Variants in SNURF observed in about 807,000 individuals in gnomAD.
The protein encoded by SNURF is SNURF protein.
In SNURF, 6 loss-of-function variants were observed where a neutral mutation model predicts 11.6. The observed-to-expected ratio is 0.52, with a 90% CI of 0.28 to 1.02. SNURF has a LOEUF of 1.02. Among genes scored for constraint, SNURF ranks in the 50% least tolerant of loss-of-function variants. The pLI, the probability that SNURF is intolerant of heterozygous loss-of-function variation, is 0.09. For missense variants in SNURF, 84 were observed against 88.4 expected, an observed-to-expected ratio of 0.95 and a Z score of 0.20; for synonymous variants, 29 against 31.6, an observed-to-expected ratio of 0.92 and a Z score of 0.27.
chr15:24,961,972 A>C, intron 1 of SNURF, 142 bp from the exon 2 acceptor site: 1 of 802,068 alleles, frequency 1.2e-6, no homozygotes, highest in Non-Finnish European at 2.1e-6. Flanking sequence ...TGAAGGTTAA[A>C]GATCTTGTAA....
At chr15:24,960,217 T>C (rs1166210216) in intron 1 of SNURF, among the ~76,000 whole-genome samples, 2 of 152,222 alleles carry the variant, frequency 1.3e-5, no homozygotes, top group Admixed American at 1.3e-4. Flanking sequence ...TAGTGTCATA[T>C]GTTACTTTCA....
intron 1 of SNURF, among the ~76,000 whole-genome samples, chr15:24,959,224 C>G (rs2074374910): frequency 6.6e-6 from 1 of 152,098 alleles, no homozygotes; most frequent in Non-Finnish European, 1.5e-5. Context: ...ATGTTGGTTT[C>G]TGTGTTGGGG....
chr15:24,966,898 A>T (rs1158996897), intron 2 of SNURF: 2 of 152,048 alleles, frequency 1.3e-5, no homozygotes, highest in Non-Finnish European at 2.9e-5. Flanking sequence ...TCATCATCAG[A>T]TTTCACAGCC....
At chr15:24,957,746 C>A (rs930640711) in intron 1 of SNURF, among the ~76,000 whole-genome samples, 1 of 151,438 alleles carries the variant, frequency 6.6e-6, no homozygotes, top group African/African-American at 2.4e-5. Flanking sequence ...CCTTTTTTTT[C>A]TGCTTGCATG....
chr15:24,964,373 A>G (rs188225681), intron 2 of SNURF, among the ~76,000 whole-genome samples: 3 of 151,696 alleles, frequency 2.0e-5, no homozygotes, highest in African/African-American at 7.3e-5. Context: ...ATGGAGTGCA[A>G]CCTCCGCCTA....
chr15:24,976,929 G>C lies in SNURF; in HGVS notation c.*362G>C. The stretch of plus-strand genomic sequence containing the variant: ...GGAGCTGCTGGAGGCCCTGGGGTTG[G>C]TAGGGCAGCTGGTAGAGGAGTACCA... On this transcript the variant is annotated 3_prime_UTR_variant and NMD_transcript_variant, in exon 6 of 7. Coordinates refer to the SNURF transcript ENST00000580062. 1 of 1,608,712 alleles carries C rather than the reference G, an allele frequency of 6.2e-7. No homozygotes were observed. Among genetic ancestry groups the C allele is most frequent in the Non-Finnish European group, 8.5e-7 (1 of 1,178,364 alleles).
intron 3 of SNURF, chr15:24,974,372 T>C: frequency 2.3e-6 from 3 of 1,331,128 alleles, no homozygotes; most frequent in Non-Finnish European, 3.3e-6. Context: ...ACCTGCGTCA[T>C]ACCTTTATCT....
At chr15:24,956,354 C>CGGT (rs66513284) in intron 1 of SNURF, among the ~76,000 whole-genome samples, 1 of 138,158 alleles carries the variant, frequency 7.2e-6, no homozygotes, top group African/African-American at 2.7e-5. Flanking sequence ...AGCGCTTCAG[C>CGGT]GGGGGGGTGG....
At chr15:24,962,154 C>T (rs2074938579) in exon 2 of SNURF, 1 of 1,614,092 alleles carries the variant, frequency 6.2e-7, no homozygotes. Context: ...ACAGCACGTA[C>T]CAGAGGTGGA....
downstream of SNURF, among the ~76,000 whole-genome samples, chr15:24,972,892 C>G (rs2076605511): frequency 1.3e-5 from 2 of 151,950 alleles, no homozygotes; most frequent in South Asian, 4.2e-4. Flanking sequence ...CTCTTCCCCA[C>G]CACCCCCAAC....
chr15:24,964,704 T>C (rs1304112073), intron 2 of SNURF, among the ~76,000 whole-genome samples: 1 of 152,170 alleles, frequency 6.6e-6, no homozygotes, highest in Non-Finnish European at 1.5e-5. Flanking sequence ...GGCTGAGGTT[T>C]AGGACTCTTA....
exon 1 of SNURF, chr15:24,955,061 A>C (rs760436951): frequency 6.2e-7 from 1 of 1,613,478 alleles, no homozygotes; most frequent in Admixed American, 1.7e-5. Flanking sequence ...GGAGCGGGCA[A>C]GGTCAGCTGT....
chr15:24,969,490 T>C (rs373016790), downstream of SNURF, among the ~76,000 whole-genome samples: 21 of 152,330 alleles, frequency 1.4e-4, no homozygotes, highest in African/African-American at 5.1e-4. Context: ...TCTTGAATCC[T>C]TTATACACAA....
chr15:24,958,216 T>G (rs2063227864), intron 1 of SNURF, among the ~76,000 whole-genome samples: 1 of 152,160 alleles, frequency 6.6e-6, no homozygotes, highest in Non-Finnish European at 1.5e-5. Flanking sequence ...TACAAAAAAT[T>G]TTGTTTATAA....
intron 2 of SNURF, among the ~76,000 whole-genome samples, chr15:24,965,325 G>A (rs556083760): frequency 4.7e-4 from 71 of 152,146 alleles, no homozygotes; most frequent in African/African-American, 1.7e-3. Flanking sequence ...ATCACCTGAG[G>A]TCAGGAGTTC....
At chr15:24,968,651 T>A (rs2153591112), downstream of SNURF, 1 of 152,834 alleles carries the variant, frequency 6.5e-6, no homozygotes, top group East Asian at 1.9e-4. Context: ...TTTATGTCAG[T>A]GAATTATAAA....
downstream of SNURF, among the ~76,000 whole-genome samples, chr15:24,971,981 C>T (rs963805996): frequency 6.6e-5 from 10 of 152,088 alleles, no homozygotes; most frequent in African/African-American, 2.2e-4. Context: ...GCTGGCTGGG[C>T]GCAGTGGCTC....
chr15:24,968,060 A>G (rs1217101781), exon 3 of SNURF: 2 of 1,606,338 alleles, frequency 1.2e-6, no homozygotes, highest in Non-Finnish European at 1.7e-6. Flanking sequence ...GTAGCGAGGA[A>G]TCTGATTCCA....
chr15:24,968,574 A>G (rs1341774765), downstream of SNURF, among the ~76,000 whole-genome samples: 2 of 152,308 alleles, frequency 1.3e-5, no homozygotes, highest in Non-Finnish European at 2.9e-5. Flanking sequence ...ATTAGTATTC[A>G]TTGCTTTCGA....
Sources: allele counts gnomAD v4.1 joint callset (sites outside exome capture counted in the v4.1 genomes callset), GRCh38; gene constraint gnomAD v4.1.1; transcripts MANE v1.5; gene names NCBI Gene and HGNC (gene_info 2026-07-23, HGNC 2026-07-21).